Variants in PIGP observed in about 807,000 individuals in gnomAD.
The protein encoded by PIGP is phosphatidylinositol glycan anchor biosynthesis class P, also known as phosphatidylinositol N-acetylglucosaminyltransferase subunit P.
A neutral mutation model predicts 16.9 loss-of-function variants in PIGP; 12 were observed. The observed-to-expected ratio is 0.71, with a 90% CI of 0.46 to 1.15. The LOEUF (loss-of-function observed/expected upper bound fraction) is 1.15, where lower values mean the gene tolerates loss of function less well. Among genes scored for constraint, PIGP ranks in the 50% most tolerant of loss-of-function variants. PIGP has a pLI of 0.00. For missense variants in PIGP, 159 were observed against 153.5 expected, an observed-to-expected ratio of 1.04 and a Z score of -0.19; for synonymous variants, 57 against 54.7, an observed-to-expected ratio of 1.04 and a Z score of -0.18.
chr21:37,067,404 C>T (rs1438692155), intron 3 of PIGP, 24 bp from the exon 4 acceptor site: 8 of 1,231,352 alleles, frequency 6.5e-6, no homozygotes, highest in Non-Finnish European at 9.5e-6. Context: ...TATTAAAGTA[C>T]ATAATAGACA....
intron 1 of PIGP, 200 bp downstream of exon 1, chr21:37,072,800 C>T: frequency 1.8e-6 from 1 of 552,920 alleles, no homozygotes; most frequent in Non-Finnish European, 3.2e-6. Flanking sequence ...CAAGCGTGGC[C>T]TCCCTGTGGG....
chr21:37,069,522 A>T, intron 3 of PIGP, 30 bp downstream of exon 3: 1 of 1,306,176 alleles, frequency 7.7e-7, no homozygotes, highest in Non-Finnish European at 1.1e-6. Context: ...CATTAATTAT[A>T]TCCTCATTTA....
intron 2 of PIGP, chr21:37,072,126 G>A (rs752192867): frequency 1.8e-5 from 17 of 944,932 alleles, no homozygotes; most frequent in Non-Finnish European, 3.0e-5. Flanking sequence ...ATCACACTGA[G>A]CATTAACTGT....
intron 2 of PIGP, among the ~76,000 whole-genome samples, chr21:37,069,996 G>A (rs1174446885): frequency 6.6e-6 from 1 of 152,126 alleles, no homozygotes; most frequent in Non-Finnish European, 1.5e-5. Flanking sequence ...ATTGCTCAAA[G>A]GGAAATTTAC....
At chr21:37,067,232 C>A (rs764333713) in intron 4 of PIGP, 30 bp downstream of exon 4, 3 of 1,261,338 alleles carry the variant, frequency 2.4e-6, no homozygotes, top group African/African-American at 1.5e-5. Context: ...TCTTTCATTG[C>A]CCCAGCACTT....
intron 2 of PIGP, 82 bp from the exon 3 acceptor site, chr21:37,069,706 T>A (rs2069968548): frequency 1.0e-6 from 1 of 986,840 alleles, no homozygotes; most frequent in African/African-American, 1.6e-5. Flanking sequence ...AAGATTCAGA[T>A]AAAACAGAAA....
chr21:37,071,721 T>C (rs1339436954), intron 2 of PIGP, among the ~76,000 whole-genome samples: 4 of 152,182 alleles, frequency 2.6e-5, no homozygotes, highest in African/African-American at 9.7e-5. Flanking sequence ...TTCTCCCTTT[T>C]GTGTGCCTCA....
intron 3 of PIGP, among the ~76,000 whole-genome samples, chr21:37,068,461 A>G (rs917820031): frequency 6.6e-6 from 1 of 151,458 alleles, no homozygotes; most frequent in Non-Finnish European, 1.5e-5. Context: ...ATTGTTTCTT[A>G]CCTCTGAGAA....
In PIGP at chr21:37,067,269, T is replaced by A; in HGVS notation, c.267A>T (p.Thr89=). The A allele has an allele frequency of 6.4e-7, 1 of 1,559,180 alleles. No individual in the cohort carries two copies. The highest frequency in any genetic ancestry group is 8.8e-7 in the Non-Finnish European group (1 of 1,130,032). The change falls in exon 4 of 5, where the codon ACA becomes ACT. Residue 89 remains threonine (T), a synonymous_variant. Transcript: ENST00000360525. ...MSTSPLDSIH[T]ITDNYAKNQQ... is the part of the protein sequence containing the mutation. ...CCTTTTATATAAAGTTACCTGTGAT[T>A]GTATGGATGGAGTCGAGTGGAGAGG...
chr21:37,066,170 G>A (rs2069900367), intron 4 of PIGP, among the ~76,000 whole-genome samples: 1 of 151,662 alleles, frequency 6.6e-6, no homozygotes, highest in Non-Finnish European at 1.5e-5. Flanking sequence ...TCTCTAACTT[G>A]GAAAGAAATC....
At chr21:37,072,639 G>A (rs1449437363) in intron 1 of PIGP, 102 bp from the exon 2 acceptor site, 9 of 1,588,776 alleles carry the variant, frequency 5.7e-6, no homozygotes, top group Non-Finnish European at 6.9e-6. Flanking sequence ...CCGCCGCGCA[G>A]AACCGCCTCC....
intron 2 of PIGP, 45 bp downstream of exon 2, chr21:37,072,389 G>T: frequency 6.2e-7 from 1 of 1,611,842 alleles, no homozygotes; most frequent in South Asian, 1.1e-5. Flanking sequence ...CCTTGTCACT[G>T]AACGCCAGAA....
intron 2 of PIGP, among the ~76,000 whole-genome samples, chr21:37,071,595 A>C (rs2070037875): frequency 6.6e-6 from 1 of 152,198 alleles, no homozygotes. Flanking sequence ...ATTCATCTGC[A>C]AGCTGTGCTG....
At chr21:37,071,184 C>T (rs555779460) in intron 2 of PIGP, among the ~76,000 whole-genome samples, 17 of 152,246 alleles carry the variant, frequency 1.1e-4, no homozygotes, top group African/African-American at 4.1e-4. Flanking sequence ...TTATTAAGTC[C>T]CTAACTGTTC....
At chr21:37,072,696 C>T (rs1279839210) in intron 1 of PIGP, 159 bp from the exon 2 acceptor site, 2 of 1,179,952 alleles carry the variant, frequency 1.7e-6, no homozygotes, top group African/African-American at 1.5e-5. Context: ...CGCATACAGA[C>T]ACCCAGGCTG....
intron 1 of PIGP, 131 bp from the exon 2 acceptor site, chr21:37,072,668 C>T: frequency 6.6e-7 from 1 of 1,506,706 alleles, no homozygotes; most frequent in Admixed American, 1.8e-5. Flanking sequence ...CGTCCGCAAC[C>T]CGCGCCCCCG....
Position 37,067,345 on chromosome 21 carries a change from A to G in PIGP, c.191T>C (p.Ile64Thr). The change falls in exon 4 of 5, where the codon ATT becomes ACT. Residue 64 changes from isoleucine (I) to threonine (T), a missense_variant. By Grantham distance (89) the Ile-to-Thr change is moderately conservative. Transcript: ENST00000360525. ...GAGCACGTAGCCAATTACTATAGCA[A>G]TAAGGAGGTAGACAGGTAATGCAAC... ...WAVALPVYLL[I>T]AIVIGYVLLF... The G allele has an allele frequency of 6.2e-7, 1 of 1,610,254 alleles. No individual in the cohort carries two copies. Among genetic ancestry groups the G allele is most frequent in the Non-Finnish European group, 8.5e-7 (1 of 1,176,428 alleles).
chr21:37,071,987 G>C (rs1451785978), intron 2 of PIGP, among the ~76,000 whole-genome samples: 1 of 152,104 alleles, frequency 6.6e-6, no homozygotes, highest in Non-Finnish European at 1.5e-5. Flanking sequence ...CTCATTCAAG[G>C]CCTTTCCACT....
At chr21:37,072,114 T>A (rs1317071605) in intron 2 of PIGP, 1 of 899,712 alleles carries the variant, frequency 1.1e-6, no homozygotes, top group African/African-American at 1.6e-5. Flanking sequence ...TCCCTGACAC[T>A]CATCACACTG....
Sources: allele counts gnomAD v4.1 joint callset (sites outside exome capture counted in the v4.1 genomes callset), GRCh38; gene constraint gnomAD v4.1.1; transcripts MANE v1.5; gene names NCBI Gene and HGNC (gene_info 2026-07-23, HGNC 2026-07-21).